Variants in PPP2R2C observed in about 807,000 individuals in gnomAD.
PPP2R2C encodes the protein protein phosphatase 2, regulatory subunit B, gamma.
Under a neutral mutation model 45.3 loss-of-function variants are expected in PPP2R2C, and 10 were observed. The ratio of observed to expected loss-of-function variants is 0.22; its 90% confidence interval spans 0.14 to 0.37. PPP2R2C has a LOEUF of 0.37. Ranked by LOEUF, PPP2R2C falls within the 10% of genes least tolerant of loss-of-function variation. PPP2R2C has a pLI of 1.00. For synonymous variants in PPP2R2C, 257 were observed against 245.4 expected (o/e 1.05, Z -0.44); for missense variants, 308 against 619.7 (o/e 0.50, Z 5.34).
chr4:6,416,370 G>C (rs1263674236), intron 1 of PPP2R2C, among the ~76,000 whole-genome samples: 1 of 152,186 alleles, frequency 6.6e-6, no homozygotes, highest in South Asian at 2.1e-4. Context: ...ACCCAGGTCT[G>C]ACTCAAGGCC....
chr4:6,424,196 G>A (rs1719146356), intron 1 of PPP2R2C, among the ~76,000 whole-genome samples: 1 of 152,186 alleles, frequency 6.6e-6, no homozygotes, highest in Admixed American at 6.5e-5. Context: ...ACAGCAGCAG[G>A]TCACCAGGCT....
chr4:6,380,936 G>T, intron 2 of PPP2R2C, 61 bp downstream of exon 2: 1 of 935,034 alleles, frequency 1.1e-6, no homozygotes. Context: ...CACCATGCCC[G>T]CCTCCCACCT....
chr4:6,532,552 G>A (rs141060119), intron 2 of PPP2R2C, among the ~76,000 whole-genome samples: 143 of 152,300 alleles, frequency 9.4e-4, no homozygotes, highest in African/African-American at 3.0e-3. Context: ...CTAGAAAAGC[G>A]GGATTTGCCT....
chr4:6,351,325 ATAAAT>A, intron 5 of PPP2R2C: 1 of 937,262 alleles, frequency 1.1e-6, no homozygotes. Context: ...AAATAAATAA[ATAAAT>A]TAATTAATTA....
rs867887723 is a variant in PPP2R2C at position 6,511,846 on chromosome 4, G to A, written c.49+23425C>T. 5.9e-3 allele frequency among the ~76,000 whole-genome samples: 228 copies of A among 38,834 alleles called. 9 individuals are homozygous for A. The highest frequency in any genetic ancestry group is 0.014 in the East Asian group (11 of 802). The allele number at this position is 38,834 out of a possible 152,430, so 25.5% of individuals were successfully genotyped here. On this transcript the variant is annotated intron_variant, in intron 2 of 9. Transcript: ENST00000506140. Reference sequence around the variant, plus strand: ...GGTGGTGGTGGTGGTGATGGTGGTGGTGGTGGTGGTGGTGGTGATGGTGGT... The same window carrying A: ...GGTGGTGGTGGTGGTGATGGTGGTGATGGTGGTGGTGGTGGTGATGGTGGT...
chr4:6,421,198 C>A, intron 1 of PPP2R2C: 1 of 897,828 alleles, frequency 1.1e-6, no homozygotes, highest in South Asian at 5.1e-5. Context: ...ATCAGATGCT[C>A]CCACCTGGAC....
In PPP2R2C at chr4:6,345,763, C is replaced by A. The variant is rs1218395316; in HGVS notation, c.790+2083G>T. Among the ~76,000 whole-genome samples the A allele has an allele frequency of 1.3e-5, 2 of 152,120 alleles. No homozygotes were observed. The highest frequency in any genetic ancestry group is 2.9e-5 in the Non-Finnish European group (2 of 68,010). ...ATACATATGCCCTGTTTTCAGCCAC[C>A]AAGTGTGTGGTCCTTTGTTGTGGCG... On this transcript the variant is annotated intron_variant, in intron 6 of 8. Transcript: ENST00000382599. The surrounding 1 kb of genome is among the most constrained non-coding windows in gnomAD (Gnocchi z 5.3).
chr4:6,352,601 T>C (rs895019155), intron 5 of PPP2R2C, among the ~76,000 whole-genome samples: 18 of 152,204 alleles, frequency 1.2e-4, no homozygotes, highest in African/African-American at 4.3e-4. Context: ...TCATTTTCCC[T>C]GCAAGAAAAG....
rs1215027074 is a variant in PPP2R2C, at chr4:6,332,816, TG to T, written c.960+745del. ...GTGAGGAACCGGCTGGGGTTTCTGG[TG>T]GGGTGTTTTCCCACCCATGTTTGCA... On this transcript the variant is annotated intron_variant, in intron 7 of 8. Transcript: ENST00000382599. The surrounding 1 kb of genome is among the most constrained non-coding windows in gnomAD (Gnocchi z 4.9). Among the ~76,000 whole-genome samples, 1 of 152,108 alleles carries T rather than the reference TG, an allele frequency of 6.6e-6. No homozygotes were observed. Among genetic ancestry groups the T allele is most frequent in the African/African-American group, 2.4e-5 (1 of 41,402 alleles).
chr4:6,455,470 C>A (rs1417359540), intron 1 of PPP2R2C, among the ~76,000 whole-genome samples: 2 of 152,264 alleles, frequency 1.3e-5, no homozygotes, highest in South Asian at 2.1e-4. Flanking sequence ...TTGCATTGAC[C>A]AAACACCATT....
At position 6,378,397 on chromosome 4, in the gene PPP2R2C, A is replaced by G. The variant is rs1181190496; in HGVS notation, c.334+10T>C. ...TGTGCCCATGCAAGCGAGGCCGGGC[A>G]GCGCCTCACCGTTGGTGGACAGGAG... On this transcript the variant is annotated intron_variant, in intron 3 of 8. Coordinates refer to ENST00000382599, the MANE Select transcript of PPP2R2C (RefSeq NM_020416.4). The surrounding 1 kb of genome is among the most constrained non-coding windows in gnomAD (Gnocchi z 5.2). 3 of 1,614,160 alleles carry G rather than the reference A, an allele frequency of 1.9e-6. No individual in the cohort carries two copies. Among genetic ancestry groups the G allele is most frequent in the Admixed American group, 1.7e-5 (1 of 60,030 alleles).
At chr4:6,360,878 C>T (rs533988231) in intron 5 of PPP2R2C, among the ~76,000 whole-genome samples, 2 of 152,158 alleles carry the variant, frequency 1.3e-5, no homozygotes, top group East Asian at 1.9e-4. Context: ...CCCGTCTCCT[C>T]GGCTTGAAGG....
chr4:6,423,541 G>C (rs1185016773), intron 1 of PPP2R2C, among the ~76,000 whole-genome samples: 1 of 152,240 alleles, frequency 6.6e-6, no homozygotes, highest in Admixed American at 6.5e-5. Context: ...AAACACACAT[G>C]CACCCTGCCC....
At chr4:6,476,070 G>A (rs187971422), upstream of PPP2R2C, among the ~76,000 whole-genome samples, 391 of 152,336 alleles carry the variant, frequency 2.6e-3, 4 homozygotes, top group African/African-American at 8.7e-3. Flanking sequence ...GAACCTTGAT[G>A]TTGGACTTTC....
chr4:6,404,470 A>G (rs1717655599), intron 1 of PPP2R2C, among the ~76,000 whole-genome samples: 1 of 152,204 alleles, frequency 6.6e-6, no homozygotes, highest in South Asian at 2.1e-4. Context: ...GCAGATACAA[A>G]GTGTGTTCAC....
chr4:6,437,847 C>A (rs1719966768), intron 1 of PPP2R2C, among the ~76,000 whole-genome samples: 1 of 150,408 alleles, frequency 6.6e-6, no homozygotes, highest in African/African-American at 2.4e-5. Flanking sequence ...TGTGTAGATG[C>A]ATGGCCTCTG....
rs562652304 is a variant in PPP2R2C, at chr4:6,448,414, C to T, written c.70+23746G>A. Among the ~76,000 whole-genome samples, 9 of 152,228 alleles carry T rather than the reference C, an allele frequency of 5.9e-5. No individual in the cohort carries two copies. The East Asian group carries it at 1.6e-3, about 26-fold the overall frequency. ...TCTCCTGACACTTGTCCTCAGCCCA[C>T]TTAACAAGCTGCTCTGGGACCTTCC... On this transcript the variant is annotated intron_variant, in intron 1 of 8. Coordinates refer to ENST00000382599, the MANE Select transcript of PPP2R2C (RefSeq NM_020416.4).
At chr4:6,422,035 G>A (rs1019967500) in intron 1 of PPP2R2C, among the ~76,000 whole-genome samples, 3 of 147,444 alleles carry the variant, frequency 2.0e-5, no homozygotes, top group Admixed American at 6.9e-5. Context: ...CGCTGCAGCC[G>A]GATGGCACAT....
intron 1 of PPP2R2C, among the ~76,000 whole-genome samples, chr4:6,387,995 C>T (rs1716348094): frequency 6.6e-6 from 1 of 152,192 alleles, no homozygotes; most frequent in Non-Finnish European, 1.5e-5. Context: ...CTCTTTTTGG[C>T]CATCGCTGTC....
Sources: allele counts gnomAD v4.1 joint callset (sites outside exome capture counted in the v4.1 genomes callset), GRCh38; gene constraint gnomAD v4.1.1; non-coding constraint Gnocchi (gnomAD v3.1); transcripts MANE v1.5; gene names NCBI Gene and HGNC (gene_info 2026-07-23, HGNC 2026-07-21).